The following PNPLA3 variants were observed in gnomAD, a reference collection of about 807,000 sequenced individuals.
The protein encoded by PNPLA3 is patatin like domain 3, 1-acylglycerol-3-phosphate O-acyltransferase.
PNPLA3 carries 42 observed loss-of-function variants against 43.1 expected under a neutral mutation model. The ratio of observed to expected loss-of-function variants is 0.97; its 90% CI spans 0.76 to 1.26. The LOEUF is 1.26. Among genes scored for constraint, PNPLA3 ranks in the 50% most tolerant of loss-of-function variants. PNPLA3 has a pLI of 0.00. For missense variants in PNPLA3, 647 were observed against 621.4 expected (o/e 1.04, Z -0.44); for synonymous variants, 272 against 253.6 (o/e 1.07, Z -0.69).
At chr22:43,929,565 C>T (rs375584839) in intron 3 of PNPLA3, among the ~76,000 whole-genome samples, 1 of 148,446 alleles carries the variant, frequency 6.7e-6, no homozygotes. Flanking sequence ...TTAGGGGGAA[C>T]TATAACAGTC....
At chr22:43,928,201 C>G (rs908338284) in intron 2 of PNPLA3, among the ~76,000 whole-genome samples, 3 of 152,262 alleles carry the variant, frequency 2.0e-5, no homozygotes, top group African/African-American at 7.2e-5. Flanking sequence ...CAGCCAGTTG[C>G]ATCCTCTGTT....
intron 3 of PNPLA3, 69 bp from the exon 4 acceptor site, chr22:43,932,809 C>T: frequency 7.0e-7 from 1 of 1,428,852 alleles, no homozygotes; most frequent in South Asian, 1.2e-5. Context: ...CATGTGAAAG[C>T]TTGTTAAGCA....
chr22:43,946,045 A>T, intron 8 of PNPLA3, 109 bp from the exon 9 acceptor site: 1 of 991,862 alleles, frequency 1.0e-6, no homozygotes, highest in Non-Finnish European at 1.6e-6. Flanking sequence ...GGCACCCTAG[A>T]GTGTGTGTGG....
At chr22:43,934,311 T>C (rs532579217) in intron 4 of PNPLA3, among the ~76,000 whole-genome samples, 28 of 117,750 alleles carry the variant, frequency 2.4e-4, no homozygotes, top group Non-Finnish European at 2.1e-4. Context: ...AGCAAGACTC[T>C]GCCTTAAAAA....
In PNPLA3 at chr22:43,934,674, T is replaced by C. The variant is rs371453474; in HGVS notation, c.757+8T>C. The C allele has an allele frequency of 5.0e-6, 8 of 1,608,968 alleles. No individual in the cohort carries two copies. Among genetic ancestry groups the C allele is most frequent in the Non-Finnish European group, 6.8e-6 (8 of 1,175,418 alleles). ...GGTTCTTGGAAGAGAAGGGTATGTA[T>C]GGGCTGGGAGGATCAGCCATGCCCT... On this transcript the variant is annotated splice_region_variant and intron_variant, in intron 5 of 8. Transcript: ENST00000216180.
chr22:43,944,567 A>T (rs2050050994), intron 7 of PNPLA3, 124 bp from the exon 8 acceptor site: 1 of 755,430 alleles, frequency 1.3e-6, no homozygotes, highest in Non-Finnish European at 2.3e-6. Context: ...AGCATCCCAG[A>T]TCCACCTTCT....
chr22:43,936,918 C>G, intron 5 of PNPLA3, 133 bp from the exon 6 acceptor site: 1 of 704,418 alleles, frequency 1.4e-6, no homozygotes, highest in African/African-American at 1.7e-5. Flanking sequence ...TCGTTCTCTT[C>G]CCTTCCCCTC....
Position 43,946,379 on chromosome 22 carries a change from G to A in PNPLA3, c.1443G>A (p.Leu481=). ...CCAGTTTTTCACTAGAGAAGAGTCTGTGAGTCACTTGAGGAGGCGAGTCTA... is the reference window on the plus strand; with the variant it reads ...CCAGTTTTTCACTAGAGAAGAGTCTATGAGTCACTTGAGGAGGCGAGTCTA... ...TFPSFSLEKS[L] The change falls in exon 9 of 9, where the codon CTG becomes CTA. Residue 481 remains leucine, a synonymous_variant. Coordinates refer to ENST00000216180, the MANE Select transcript of PNPLA3 (RefSeq NM_025225.3). 2.5e-6 allele frequency: 4 copies of A among 1,613,830 alleles called. No homozygotes were observed. The highest frequency in any genetic ancestry group is 3.4e-6 in the Non-Finnish European group (4 of 1,179,732).
At chr22:43,937,005 C>A in intron 5 of PNPLA3, 46 bp from the exon 6 acceptor site, 1 of 1,520,072 alleles carries the variant, frequency 6.6e-7, no homozygotes, top group Non-Finnish European at 9.0e-7. Flanking sequence ...TAACGACCAC[C>A]ACTCCCACGT....
At position 43,928,835 on chromosome 22, in the gene PNPLA3, T is replaced by C; in HGVS notation, c.432T>C (p.Cys144=). 6.2e-7 allele frequency: 1 copy of C among 1,611,132 alleles called. No homozygotes were observed. The highest frequency in any genetic ancestry group is 8.5e-7 in the Non-Finnish European group (1 of 1,177,346). Residue 144 remains cysteine (C), a synonymous_variant, in exon 3 of 9, where the codon TGT becomes TGC. Transcript: ENST00000216180. ...CTTTGCTTTCACAGGCCTTGGTATG[T>C]TCCTGCTTCATCCCCTTCTACAGTG... ...SKDEVVDALV[C]SCFIPFYSGL...
rs1181266727 is a variant in PNPLA3, at chr22:43,924,033, G to T, written c.122G>T (p.Arg41Leu). The T allele has an allele frequency of 1.9e-6, 3 of 1,580,772 alleles. No individual in the cohort carries two copies. The highest frequency in any genetic ancestry group is 1.7e-5 in the Admixed American group (1 of 58,466). Residue 41 changes from arginine (R) to leucine (L), a missense_variant, in exon 1 of 9, where the codon CGC (arginine) becomes CTC (leucine). Coordinates refer to ENST00000216180, the MANE Select transcript of PNPLA3 (RefSeq NM_025225.3). ...GCCCCGCACCTCCTCCGCGACGCGCGCATGTTGTTCGGCGCTTCGGCCGGG... is the reference window on the plus strand; with the variant it reads ...GCCCCGCACCTCCTCCGCGACGCGCTCATGTTGTTCGGCGCTTCGGCCGGG... ...EHAPHLLRDARMLFGASAGAL... is the reference protein window; with the variant it reads ...EHAPHLLRDALMLFGASAGAL...
At chr22:43,931,987 ACT>A (rs2049964618) in intron 3 of PNPLA3, among the ~76,000 whole-genome samples, 1 of 152,056 alleles carries the variant, frequency 6.6e-6, no homozygotes, top group African/African-American at 2.4e-5. Context: ...TTTAGGCCAA[ACT>A]CTGCTCTGAA....
At chr22:43,945,843 G>A (rs2050059554) in intron 8 of PNPLA3, among the ~76,000 whole-genome samples, 1 of 152,150 alleles carries the variant, frequency 6.6e-6, no homozygotes, top group African/African-American at 2.4e-5. Flanking sequence ...TGGGTGGTAG[G>A]ACACCCTGGC....
At chr22:43,943,283 C>T (rs181803302) in intron 7 of PNPLA3, among the ~76,000 whole-genome samples, 91 of 151,192 alleles carry the variant, frequency 6.0e-4, no homozygotes, top group African/African-American at 2.0e-3. Flanking sequence ...TTATTCTGGG[C>T]GTGTTCTTGG....
At chr22:43,936,820 G>A (rs2049998431) in intron 5 of PNPLA3, among the ~76,000 whole-genome samples, 1 of 152,038 alleles carries the variant, frequency 6.6e-6, no homozygotes, top group Admixed American at 6.5e-5. Flanking sequence ...ATATGTAGAT[G>A]GAGCCCACAA....
chr22:43,924,232 AG>A lies in PNPLA3; in HGVS notation c.187+137del, dbSNP rs1228036982. 1.7e-5 allele frequency: 18 copies of A among 1,066,854 alleles called. No individual in the cohort carries two copies. The Admixed American group carries it at 7.3e-4, about 43-fold the overall frequency. 66.1% of individuals were successfully genotyped at this position (1,066,854 alleles called of 1,614,324 possible). ...CGCGGACACGGCGGGGTGCATCCCG[AG>A]GGCCCCCTCCGAGGCAGATGCTTCC... On this transcript the variant is annotated intron_variant, in intron 1 of 8. Coordinates refer to ENST00000216180, the MANE Select transcript of PNPLA3 (RefSeq NM_025225.3).
chr22:43,944,932 G>A, intron 8 of PNPLA3, 137 bp downstream of exon 8: 1 of 739,692 alleles, frequency 1.4e-6, no homozygotes, highest in East Asian at 2.6e-5. Flanking sequence ...CCTGTCTCAT[G>A]GGAGGCAGCT....
chr22:43,924,238 C>T, intron 1 of PNPLA3, 140 bp downstream of exon 1: 1 of 1,007,750 alleles, frequency 9.9e-7, no homozygotes, highest in Non-Finnish European at 1.3e-6. Flanking sequence ...CCCGAGGGCC[C>T]CCTCCGAGGC....
chr22:43,940,682 G>A lies in PNPLA3; in HGVS notation c.1112+557G>A, dbSNP rs137991731. Among the ~76,000 whole-genome samples the A allele has an allele frequency of 1.1e-4, 16 of 152,132 alleles. No homozygotes were observed. The East Asian group carries it at 3.1e-3, about 29-fold the overall frequency. On this transcript the variant is annotated intron_variant, in intron 7 of 8. Transcript: ENST00000216180. Reference sequence around the variant, plus strand: ...AAATTAGTGGAGCATGGTGGCACGTGCCTGTACTCCCAGCTACTTGGAAGG... The same window carrying A: ...AAATTAGTGGAGCATGGTGGCACGTACCTGTACTCCCAGCTACTTGGAAGG...
Sources: allele counts gnomAD v4.1 joint callset (sites outside exome capture counted in the v4.1 genomes callset), GRCh38; gene constraint gnomAD v4.1.1; transcripts MANE v1.5; gene names NCBI Gene and HGNC (gene_info 2026-07-23, HGNC 2026-07-21).